Variants in TPO observed in about 807,000 individuals in gnomAD.
The protein encoded by TPO is thyroid microsomal antigen.
In TPO, 78 loss-of-function variants were observed where a neutral mutation model predicts 96.9. That is an observed-to-expected ratio of 0.81 (90% confidence interval 0.67 to 0.97). The LOEUF (loss-of-function observed/expected upper bound fraction) is 0.97, where lower values mean the gene tolerates loss of function less well. Among genes scored for constraint, TPO ranks in the 50% least tolerant of loss-of-function variants. The probability of loss-of-function intolerance (pLI) is 0.00; values close to 1 mark genes in which losing one functional copy is unlikely to be tolerated. For missense variants in TPO, 1,252 were observed against 1,274.8 expected (o/e 0.98, Z 0.27); for synonymous variants, 547 against 538.0 (o/e 1.02, Z -0.23).
rs560348685 is a variant in TPO, at chr2:1,414,058, T to A, written c.-1-350T>A. Among the ~76,000 whole-genome samples the A allele has an allele frequency of 5.9e-5, 9 of 152,340 alleles. No individual in the cohort carries two copies. The South Asian group carries it at 1.9e-3, about 32-fold the overall frequency. On this transcript the variant is annotated intron_variant, in intron 1 of 16. Coordinates refer to ENST00000329066, the MANE Select transcript of TPO (RefSeq NM_001206744.2). ...CATAGATGCATTAGGGGAAACAGAT[T>A]TTTTTCATTCCCAATAATTATTCCC...
intron 14 of TPO, among the ~76,000 whole-genome samples, chr2:1,512,039 CTT>C (rs879936687): frequency 1.5e-4 from 22 of 147,110 alleles, no homozygotes; most frequent in African/African-American, 4.4e-4. Flanking sequence ...TTTCCTGCAT[CTT>C]TTTTTTTTTT....
chr2:1,504,780 A>G (rs1673235158), intron 14 of TPO, among the ~76,000 whole-genome samples: 1 of 152,202 alleles, frequency 6.6e-6, no homozygotes. Flanking sequence ...CTGGTCACAC[A>G]GCCACTCCGT....
chr2:1,525,746 CTCA>C, intron 15 of TPO, among the ~76,000 whole-genome samples: 1 of 134,928 alleles, frequency 7.4e-6, no homozygotes, highest in African/African-American at 2.8e-5. Context: ...CTCCCCAAAT[CTCA>C]CCCCACTGTG....
At chr2:1,440,094 C>T (rs747143613) in intron 5 of TPO, among the ~76,000 whole-genome samples, 19 of 151,966 alleles carry the variant, frequency 1.3e-4, no homozygotes, top group Non-Finnish European at 2.4e-4. Flanking sequence ...CAATGTGCTG[C>T]GTTTCCACTG....
rs745626374 is a variant in TPO at position 1,493,833 on chromosome 2, G to A, written c.1800G>A (p.Leu600=). The A allele has an allele frequency of 8.1e-6, 13 of 1,614,124 alleles. No homozygotes were observed. Among genetic ancestry groups the A allele is most frequent in the Non-Finnish European group, 1.1e-5 (13 of 1,180,012 alleles). Residue 600 remains leucine, a synonymous_variant, in exon 11 of 17, where the codon CTG becomes CTA. Transcript: ENST00000329066. ...GYNEWREFCG[L]PRLETPADLS... ...ATGAGTGGAGGGAGTTCTGCGGCCT[G>A]CCTCGCCTGGAGACCCCCGCTGACC...
intron 15 of TPO, among the ~76,000 whole-genome samples, chr2:1,520,151 AC>A (rs1675100958): frequency 6.6e-6 from 1 of 151,758 alleles, no homozygotes; most frequent in Non-Finnish European, 1.5e-5. Context: ...AAACCACAGC[AC>A]CCCCAGACCT....
At chr2:1,422,809 GGTGA>G (rs2148444052) in intron 2 of TPO, among the ~76,000 whole-genome samples, 1 of 152,352 alleles carries the variant, frequency 6.6e-6, no homozygotes, top group Admixed American at 6.5e-5. Flanking sequence ...GCGAAATTAA[GGTGA>G]GTAGCTCTGA....
intron 5 of TPO, among the ~76,000 whole-genome samples, chr2:1,444,757 T>C (rs1327039939): frequency 6.9e-5 from 1 of 14,404 alleles, no homozygotes. Flanking sequence ...AGGCACTGTG[T>C]TGGAAGGGAA....
intron 1 of TPO, among the ~76,000 whole-genome samples, chr2:1,400,902 T>C (rs1039712245): frequency 6.6e-6 from 1 of 152,230 alleles, no homozygotes; most frequent in Non-Finnish European, 1.5e-5. Context: ...TCTAATCATG[T>C]ATCCTTGTGG....
At chr2:1,400,621 CAA>C (rs34465338) in intron 1 of TPO, among the ~76,000 whole-genome samples, 8,058 of 126,746 alleles carry the variant, frequency 0.064, 549 homozygotes, top group East Asian at 0.31. Flanking sequence ...ACATGCGTCT[CAA>C]AAAAAAAAAA....
intron 5 of TPO, among the ~76,000 whole-genome samples, chr2:1,448,892 C>A (rs879345455): frequency 4.6e-5 from 7 of 152,158 alleles, no homozygotes; most frequent in Non-Finnish European, 1.0e-4. Context: ...CAGACTCAAG[C>A]CGGGACTGGG....
intron 1 of TPO, among the ~76,000 whole-genome samples, chr2:1,387,610 G>A (rs973514543): frequency 2.0e-5 from 3 of 152,092 alleles, no homozygotes; most frequent in Admixed American, 6.5e-5. Flanking sequence ...TTAGCCATTC[G>A]TCTAATCTTT....
rs1426883525 is a variant in TPO at position 1,514,200 on chromosome 2, C to T, written c.2519-2683C>T. ...GAGAGTCAGGAAAAGAGAAGTGAAG[C>T]CCTTTTTCCTCCACTTCCTGCTCTA... is the stretch of plus-strand genomic sequence containing the variant. On this transcript the variant is annotated intron_variant, in intron 14 of 16. Coordinates refer to ENST00000329066, the MANE Select transcript of TPO (RefSeq NM_001206744.2). Among the ~76,000 whole-genome samples, 2 of 152,134 alleles carry T rather than the reference C, an allele frequency of 1.3e-5. 1 individual carries two copies. Among genetic ancestry groups the T allele is most frequent in the East Asian group, 3.9e-4 (2 of 5,172 alleles).
chr2:1,496,843 A>G (rs1353525350), intron 13 of TPO, 78 bp downstream of exon 13: 1 of 1,605,004 alleles, frequency 6.2e-7, no homozygotes, highest in African/African-American at 1.3e-5. Flanking sequence ...GTCATTGAAA[A>G]TTTCTTCGCC....
chr2:1,435,879 C>T (rs2148499862), intron 4 of TPO, among the ~76,000 whole-genome samples: 1 of 152,306 alleles, frequency 6.6e-6, no homozygotes, highest in South Asian at 2.1e-4. Flanking sequence ...TTACTAGGCA[C>T]ACATGCCTCA....
At chr2:1,423,778 C>T (rs1664035116) in intron 3 of TPO, among the ~76,000 whole-genome samples, 2 of 152,058 alleles carry the variant, frequency 1.3e-5, no homozygotes, top group African/African-American at 4.8e-5. Context: ...TCTATTATTC[C>T]AGCCAGAAAA....
chr2:1,395,865 G>C (rs970222637), intron 1 of TPO, among the ~76,000 whole-genome samples: 8 of 152,166 alleles, frequency 5.3e-5, no homozygotes, highest in African/African-American at 1.4e-4. Context: ...CCATGTAAGA[G>C]GTGCCTTTGC....
chr2:1,412,493 C>A (rs1465087399), upstream of TPO, among the ~76,000 whole-genome samples: 1 of 152,124 alleles, frequency 6.6e-6, no homozygotes, highest in Non-Finnish European at 1.5e-5. Context: ...TTATCTTCAC[C>A]CATTTGAGGG....
intron 8 of TPO, among the ~76,000 whole-genome samples, chr2:1,478,675 C>A (rs954221425): frequency 6.6e-6 from 1 of 152,114 alleles, no homozygotes; most frequent in Non-Finnish European, 1.5e-5. Context: ...ACTTCTCCGG[C>A]AAGCACGGCA....
Sources: allele counts gnomAD v4.1 joint callset (sites outside exome capture counted in the v4.1 genomes callset), GRCh38; gene constraint gnomAD v4.1.1; transcripts MANE v1.5; gene names NCBI Gene and HGNC (gene_info 2026-07-23, HGNC 2026-07-21).